STK3: variants seen among roughly 807,000 people sequenced by gnomAD.
STK3 encodes the protein serine/threonine kinase 3.
Under a neutral mutation model 58.0 loss-of-function variants are expected in STK3, and 41 were observed. That is an observed-to-expected ratio of 0.71 (90% confidence interval 0.55 to 0.92). The LOEUF is 0.92. Ranked by LOEUF, STK3 falls within the 40% of genes least tolerant of loss-of-function variation. The probability of loss-of-function intolerance (pLI) is 0.00; values close to 1 mark genes in which losing one functional copy is unlikely to be tolerated. For missense variants in STK3, 479 were observed against 602.7 expected, an observed-to-expected ratio of 0.79 and a Z score of 2.15; for synonymous variants, 170 against 191.0, an observed-to-expected ratio of 0.89 and a Z score of 0.91.
chr8:98,891,522 T>C (rs1057491487), intron 1 of STK3, among the ~76,000 whole-genome samples: 8 of 152,198 alleles, frequency 5.3e-5, no homozygotes, highest in African/African-American at 1.9e-4. Flanking sequence ...ACTCTTGATA[T>C]GTACATAGCA....
At chr8:98,566,411 A>T (rs1812485261) in intron 8 of STK3, among the ~76,000 whole-genome samples, 1 of 152,014 alleles carries the variant, frequency 6.6e-6, no homozygotes, top group South Asian at 2.1e-4. Context: ...AAATTTGGAA[A>T]TTTTTCTTTA....
At chr8:98,714,803 CA>C (rs1270382601) in intron 4 of STK3, among the ~76,000 whole-genome samples, 1 of 151,990 alleles carries the variant, frequency 6.6e-6, no homozygotes, top group Non-Finnish European at 1.5e-5. Context: ...ATATGGAACC[CA>C]AAAAGAGCCC....
Position 98,767,103 on chromosome 8 carries a change from A to C in STK3, c.236+140T>G, listed in dbSNP as rs1264834344. The C allele has an allele frequency of 2.9e-6, 3 of 1,040,220 alleles. No homozygotes were observed. The East Asian group carries it at 8.8e-5, about 31-fold the overall frequency. The allele number at this position is 1,040,220 out of a possible 1,614,324, so 64.4% of individuals were successfully genotyped here. On this transcript the variant is annotated intron_variant, in intron 3 of 10. Coordinates refer to ENST00000419617, the MANE Select transcript of STK3 (RefSeq NM_006281.4). ...GCCATTGCACTCCAGCCTGGGCAAC[A>C]ACGGCAAAACCCTGTCTCAAAAAAA...
At chr8:98,519,140 C>G (rs1275027552) in intron 10 of STK3, among the ~76,000 whole-genome samples, 2 of 151,978 alleles carry the variant, frequency 1.3e-5, no homozygotes, top group East Asian at 3.9e-4. Context: ...TTCCTCAGTC[C>G]ACAGAACTAA....
chr8:98,393,134 T>G (rs891939330), upstream of STK3, among the ~76,000 whole-genome samples: 1 of 152,216 alleles, frequency 6.6e-6, no homozygotes, highest in Non-Finnish European at 1.5e-5. Flanking sequence ...GGAGGCTTCT[T>G]GAAAGGTCCC....
intron 1 of STK3, among the ~76,000 whole-genome samples, chr8:98,906,888 C>T (rs984627188): frequency 1.3e-5 from 2 of 151,860 alleles, no homozygotes; most frequent in South Asian, 4.2e-4. Flanking sequence ...AGGCTCACGC[C>T]TGTAATCCCA....
At chr8:98,911,064 G>A (rs1407513248) in intron 1 of STK3, among the ~76,000 whole-genome samples, 1 of 152,176 alleles carries the variant, frequency 6.6e-6, no homozygotes, top group Non-Finnish European at 1.5e-5. Flanking sequence ...CTGGAAAAAG[G>A]TTACCACTAG....
intron 6 of STK3, among the ~76,000 whole-genome samples, chr8:98,617,173 C>T (rs1227869216): frequency 6.6e-6 from 1 of 151,710 alleles, no homozygotes; most frequent in Non-Finnish European, 1.5e-5. Context: ...CAAAGCCGCT[C>T]AACTACATGG....
At chr8:98,837,580 TGAAA>T (rs1835792256) in intron 3 of STK3, among the ~76,000 whole-genome samples, 1 of 152,160 alleles carries the variant, frequency 6.6e-6, no homozygotes, top group African/African-American at 2.4e-5. Context: ...ACTAAGAATC[TGAAA>T]GACTCCATAA....
intron 6 of STK3, among the ~76,000 whole-genome samples, chr8:98,704,067 T>C (rs1278655489): frequency 2.0e-5 from 3 of 152,198 alleles, no homozygotes; most frequent in Non-Finnish European, 4.4e-5. Flanking sequence ...AAAAAAGCAG[T>C]TGTGTGACTG....
chr8:98,348,533 G>A, the STK3 span, among the ~76,000 whole-genome samples: 1 of 152,172 alleles, frequency 6.6e-6, no homozygotes, highest in South Asian at 2.1e-4. Context: ...ATAAAGGGCA[G>A]TTATCCAAAA....
intron 1 of STK3, among the ~76,000 whole-genome samples, chr8:98,808,140 T>G (rs1394502310): frequency 6.6e-6 from 1 of 152,192 alleles, no homozygotes; most frequent in Non-Finnish European, 1.5e-5. Flanking sequence ...CAAATGAAAT[T>G]AAGATGAAAG....
intron 8 of STK3, among the ~76,000 whole-genome samples, chr8:98,572,680 G>A (rs1042982352): frequency 1.1e-4 from 16 of 152,114 alleles, no homozygotes; most frequent in Middle Eastern, 6.8e-3. Context: ...TGCCTATCTC[G>A]TTCTTTTAAG....
rs1261411196 is a variant in STK3, at chr8:98,456,588, A to T, written c.1318-588T>A. 2.0e-5 allele frequency among the ~76,000 whole-genome samples: 3 copies of T among 152,214 alleles called. No individual in the cohort carries two copies. The East Asian group carries it at 5.8e-4, about 29-fold the overall frequency. ...TGATCAATTCTGGAGTAGGACAGTT[A>T]TGTAAGAGTAATCCAGATTTGGTTT... On this transcript the variant is annotated intron_variant, in intron 10 of 10. Transcript: ENST00000419617.
At chr8:98,878,673 C>G (rs188692850) in intron 3 of STK3, among the ~76,000 whole-genome samples, 31 of 152,284 alleles carry the variant, frequency 2.0e-4, no homozygotes, top group African/African-American at 5.8e-4. Context: ...CTTCCCCTTT[C>G]TTGTCCAGTG....
At chr8:98,694,520 T>C (rs1180556843) in intron 6 of STK3, among the ~76,000 whole-genome samples, 8 of 152,058 alleles carry the variant, frequency 5.3e-5, no homozygotes, top group Admixed American at 5.2e-4. Flanking sequence ...CCCAGAACAG[T>C]CCCCAGAGTG....
intron 6 of STK3, among the ~76,000 whole-genome samples, chr8:98,688,334 A>C (rs978067161): frequency 1.2e-4 from 19 of 152,322 alleles, no homozygotes; most frequent in African/African-American, 4.3e-4. Context: ...GGAGACTTCA[A>C]CAACCCACTG....
chr8:98,889,864 A>T (rs1363565676), intron 1 of STK3: 1 of 152,212 alleles, frequency 6.6e-6, no homozygotes, highest in African/African-American at 2.4e-5. Flanking sequence ...ACACTTTAAG[A>T]ACTGCTCTCA....
chr8:98,348,124 C>T, the STK3 span, among the ~76,000 whole-genome samples: 20 of 152,156 alleles, frequency 1.3e-4, no homozygotes, highest in Admixed American at 9.2e-4. Flanking sequence ...GTTAACTAAT[C>T]TTTGACAAAT....
Sources: allele counts gnomAD v4.1 joint callset (sites outside exome capture counted in the v4.1 genomes callset), GRCh38; gene constraint gnomAD v4.1.1; transcripts MANE v1.5; gene names NCBI Gene and HGNC (gene_info 2026-07-23, HGNC 2026-07-21).